The following SGCZ variants were observed in gnomAD, a reference collection of about 807,000 sequenced individuals.
SGCZ encodes sarcoglycan zeta, also known as zeta-sarcoglycan.
In SGCZ, 40 loss-of-function variants were observed where a neutral mutation model predicts 41.3. The observed-to-expected ratio is 0.97, with a 90% CI of 0.75 to 1.26. The LOEUF is 1.26. Among genes scored for constraint, SGCZ ranks in the 50% most tolerant of loss-of-function variants. The probability of loss-of-function intolerance (pLI) is 0.00; values close to 1 mark genes in which losing one functional copy is unlikely to be tolerated. For synonymous variants in SGCZ, 206 were observed against 137.5 expected (o/e 1.50, Z -3.49); for missense variants, 552 against 369.8 (o/e 1.49, Z -4.04).
chr8:14,609,802 C>A (rs1440592286), intron 1 of SGCZ, among the ~76,000 whole-genome samples: 2 of 151,556 alleles, frequency 1.3e-5, no homozygotes, highest in African/African-American at 4.9e-5. Context: ...TTAAGTAGCA[C>A]AATAGAGAAA....
At chr8:14,091,249 G>C (rs1264106927) in intron 7 of SGCZ, among the ~76,000 whole-genome samples, 1 of 151,612 alleles carries the variant, frequency 6.6e-6, no homozygotes, top group African/African-American at 2.4e-5. Flanking sequence ...ATGGACATTT[G>C]GGTTGGTCCC....
At chr8:14,731,209 A>G (rs975435071) in intron 1 of SGCZ, among the ~76,000 whole-genome samples, 1 of 151,842 alleles carries the variant, frequency 6.6e-6, no homozygotes, top group Non-Finnish European at 1.5e-5. Flanking sequence ...GCAGCCATAA[A>G]AAAGGATGAG....
intron 1 of SGCZ, among the ~76,000 whole-genome samples, chr8:14,555,901 T>A (rs577527706): frequency 1.3e-5 from 2 of 152,064 alleles, no homozygotes; most frequent in Non-Finnish European, 2.9e-5. Context: ...TGTATTTCAA[T>A]GAGTTATCAG....
intron 1 of SGCZ, among the ~76,000 whole-genome samples, chr8:15,167,833 G>C (rs1354248004): frequency 3.9e-5 from 6 of 152,194 alleles, no homozygotes; most frequent in African/African-American, 1.4e-4. Flanking sequence ...TCTGGCTGTA[G>C]ATCAGAAAGA....
At chr8:14,818,330 T>A (rs1448683592) in intron 1 of SGCZ, among the ~76,000 whole-genome samples, 1 of 152,124 alleles carries the variant, frequency 6.6e-6, no homozygotes, top group East Asian at 1.9e-4. Context: ...CATCACAAAC[T>A]GTACAGCCTA....
At chr8:14,780,184 A>G (rs1585254031) in intron 1 of SGCZ, among the ~76,000 whole-genome samples, 1 of 151,924 alleles carries the variant, frequency 6.6e-6, no homozygotes, top group Non-Finnish European at 1.5e-5. Context: ...ACCATCCTGG[A>G]TAACACGGTG....
At chr8:14,952,573 T>G (rs945549830) in intron 1 of SGCZ, among the ~76,000 whole-genome samples, 1 of 152,222 alleles carries the variant, frequency 6.6e-6, no homozygotes, top group African/African-American at 2.4e-5. Context: ...ATCCTCACCC[T>G]CTAGCAAATA....
intron 1 of SGCZ, among the ~76,000 whole-genome samples, chr8:14,992,625 C>T (rs1333170307): frequency 1.3e-5 from 2 of 150,894 alleles, no homozygotes; most frequent in African/African-American, 4.9e-5. Context: ...CAGTGTTACC[C>T]TTGATATTTA....
chr8:14,883,776 GTTT>G (rs1233614779), intron 1 of SGCZ, among the ~76,000 whole-genome samples: 1,109 of 85,992 alleles, frequency 0.013, 12 homozygotes, highest in African/African-American at 0.042. Flanking sequence ...GCATCCTGTT[GTTT>G]TTTTTTTTTT....
chr8:14,445,618 A>G (rs935498554), intron 2 of SGCZ, among the ~76,000 whole-genome samples: 2 of 152,122 alleles, frequency 1.3e-5, no homozygotes, highest in Non-Finnish European at 2.9e-5. Context: ...CCACCCTTTG[A>G]GAATCCCATG....
chr8:14,655,588 T>C (rs1418190879), intron 1 of SGCZ, among the ~76,000 whole-genome samples: 1 of 152,094 alleles, frequency 6.6e-6, no homozygotes, highest in Non-Finnish European at 1.5e-5. Context: ...AATTCACCAG[T>C]AGTTGTAAGA....
At chr8:14,090,701 CCCT>C (rs1801664504) in intron 7 of SGCZ, 64 bp from the exon 8 acceptor site, 7 of 1,370,080 alleles carry the variant, frequency 5.1e-6, no homozygotes, top group Non-Finnish European at 6.0e-6. Flanking sequence ...TAATCTACAT[CCCT>C]CCTCAACATG....
chr8:14,171,668 C>T (rs1248468691), intron 4 of SGCZ, among the ~76,000 whole-genome samples: 1 of 151,932 alleles, frequency 6.6e-6, no homozygotes, highest in Non-Finnish European at 1.5e-5. Context: ...AATGTATTAT[C>T]TCATTAAAAT....
chr8:15,162,552 G>T (rs1021681954), intron 1 of SGCZ, among the ~76,000 whole-genome samples: 2 of 152,156 alleles, frequency 1.3e-5, no homozygotes, highest in Non-Finnish European at 2.9e-5. Context: ...TGCAAGAAAA[G>T]AACTGCCCCT....
chr8:14,684,376 G>C (rs1808540690), intron 1 of SGCZ, among the ~76,000 whole-genome samples: 3 of 152,128 alleles, frequency 2.0e-5, no homozygotes, highest in Non-Finnish European at 4.4e-5. Context: ...TTTATGTACA[G>C]ACACATTTTG....
At chr8:14,307,537 A>T (rs1050473909) in intron 3 of SGCZ, among the ~76,000 whole-genome samples, 6 of 152,092 alleles carry the variant, frequency 3.9e-5, no homozygotes, top group Non-Finnish European at 8.8e-5. Flanking sequence ...CTTCAGCAAA[A>T]AAAGAAAGGG....
intron 2 of SGCZ, among the ~76,000 whole-genome samples, chr8:14,523,084 T>C (rs150022599): frequency 0.02 from 3,102 of 152,092 alleles, 78 homozygotes; most frequent in African/African-American, 0.053. Flanking sequence ...CCTCCCTGTA[T>C]ATCCCCTTAC....
intron 1 of SGCZ, among the ~76,000 whole-genome samples, chr8:14,781,142 T>C (rs1585254869): frequency 6.6e-6 from 1 of 152,320 alleles, no homozygotes; most frequent in East Asian, 1.9e-4. Flanking sequence ...ACATGGCTTA[T>C]TGAATTTACT....
At chr8:14,107,892 C>G (rs1486050860) in intron 6 of SGCZ, among the ~76,000 whole-genome samples, 1 of 152,164 alleles carries the variant, frequency 6.6e-6, no homozygotes, top group Non-Finnish European at 1.5e-5. Flanking sequence ...ATCCTCCTAC[C>G]TTGGCCTCCC....
Sources: gnomAD v4.1 joint callset for allele counts (sites outside exome capture counted in the v4.1 genomes callset) on GRCh38, gnomAD v4.1.1 for gene constraint, MANE v1.5 for transcripts, NCBI Gene and HGNC (gene_info 2026-07-23, HGNC 2026-07-21) for gene names.